Variants in BRSK2 observed in about 807,000 individuals in gnomAD.
BRSK2 encodes the protein BR serine/threonine kinase 2, also known as serine/threonine-protein kinase BRSK2.
Under a neutral mutation model 83.3 loss-of-function variants are expected in BRSK2, and 19 were observed. The ratio of observed to expected loss-of-function variants is 0.23; its 90% CI spans 0.16 to 0.33. The LOEUF is 0.33. Among genes scored for constraint, BRSK2 ranks in the 10% least tolerant of loss-of-function variants. The pLI, the probability that BRSK2 is intolerant of heterozygous loss-of-function variation, is 1.00. For missense variants in BRSK2, 798 were observed against 1,042.3 expected, an observed-to-expected ratio of 0.77 and a Z score of 3.23; for synonymous variants, 519 against 435.4, an observed-to-expected ratio of 1.19 and a Z score of -2.39.
intron 1 of BRSK2, chr11:1,410,714 G>C: frequency 1.0e-6 from 1 of 985,410 alleles, no homozygotes; most frequent in Non-Finnish European, 1.2e-6. Flanking sequence ...CGCCTGCCTA[G>C]GGTGGGACCA....
chr11:1,442,797 T>C (rs1244793740), intron 5 of BRSK2, among the ~76,000 whole-genome samples, 191 bp downstream of exon 5: 1 of 151,912 alleles, frequency 6.6e-6, no homozygotes, highest in African/African-American at 2.4e-5. Flanking sequence ...CCCGGCACAG[T>C]AAGGGTAGGG....
chr11:1,429,074 G>C (rs1849605463), intron 1 of BRSK2, among the ~76,000 whole-genome samples: 1 of 148,314 alleles, frequency 6.7e-6, no homozygotes. Flanking sequence ...TGTGTGCATG[G>C]GTGTGTGTCC....
At position 1,454,457 on chromosome 11, in the gene BRSK2, C is replaced by G; in HGVS notation, c.1545-28C>G. The G allele has an allele frequency of 1.9e-6, 3 of 1,611,990 alleles. No individual in the cohort carries two copies. The highest frequency in any genetic ancestry group is 1.7e-6 in the Non-Finnish European group (2 of 1,179,474). ...GTGTGGACGGTGCCACACCTCAATC[C>G]TCACAGCCTCTGTCTCCCACTGCCC... is the stretch of plus-strand genomic sequence containing the variant. On this transcript the variant is annotated intron_variant, in intron 15 of 19. Coordinates refer to ENST00000528841, the MANE Select transcript of BRSK2 (RefSeq NM_001256627.2). The surrounding 1 kb of genome is among the most constrained non-coding windows in gnomAD (Gnocchi z 5.2).
intron 16 of BRSK2, among the ~76,000 whole-genome samples, chr11:1,455,714 G>A (rs1846435001): frequency 6.6e-6 from 1 of 152,016 alleles, no homozygotes; most frequent in Admixed American, 6.5e-5. Flanking sequence ...CCTTCATGCT[G>A]CCCCTGGTTG....
chr11:1,422,144 T>C (rs1848694075), intron 1 of BRSK2, among the ~76,000 whole-genome samples: 2 of 152,232 alleles, frequency 1.3e-5, no homozygotes, highest in South Asian at 4.1e-4. Flanking sequence ...CAGCCCCAGC[T>C]GTGGGCCCCC....
At chr11:1,443,225 C>T in intron 6 of BRSK2, 86 bp downstream of exon 6, 1 of 1,516,858 alleles carries the variant, frequency 6.6e-7, no homozygotes, top group African/African-American at 1.4e-5. Flanking sequence ...GCCGCACCCC[C>T]AGGTGCTGCT....
rs557859660 is a variant in BRSK2, at chr11:1,435,101, G to A, written c.92-939G>A. On this transcript the variant is annotated intron_variant, in intron 1 of 19. Coordinates refer to ENST00000528841, the MANE Select transcript of BRSK2 (RefSeq NM_001256627.2). ...TGGGTCTGGGAAGGAAGGGGCTGCC[G>A]GGCCGTGGAGGTCTAGGGCAGTGCT... Among the ~76,000 whole-genome samples, 38 of 151,594 alleles carry A rather than the reference G, an allele frequency of 2.5e-4. 1 individual carries two copies. The East Asian group carries it at 4.0e-3, about 16-fold the overall frequency.
chr11:1,415,910 G>A (rs572475105), intron 1 of BRSK2, among the ~76,000 whole-genome samples: 1 of 152,412 alleles, frequency 6.6e-6, no homozygotes, highest in Non-Finnish European at 1.5e-5. Flanking sequence ...CCAGCTTTGG[G>A]CAGGTGAGTG....
At chr11:1,414,429 T>A (rs142937864) in intron 1 of BRSK2, among the ~76,000 whole-genome samples, 25 of 152,168 alleles carry the variant, frequency 1.6e-4, no homozygotes. Flanking sequence ...GATGAACTTA[T>A]GTGTGGAATG....
Position 1,442,570 on chromosome 11 carries a change from T to C in BRSK2, c.494T>C (p.Leu165Pro). Residue 165 changes from leucine (L) to proline (P), a missense_variant, in exon 5 of 20, where the codon CTG (leucine) becomes CCG (proline). This residue lies in a region of BRSK2 where 109 missense variants were observed against 259.2 expected (regional missense o/e 0.42). Transcript: ENST00000528841. ...IRIADFGMAS[L>P]QVGDSLLETS... ...ATCGCAGACTTTGGCATGGCGTCCC[T>C]GCAGGTTGGCGACAGCCTGTTGGAG... is the stretch of plus-strand genomic sequence containing the variant. 1 of 1,612,914 alleles carries C rather than the reference T, an allele frequency of 6.2e-7. No individual in the cohort carries two copies. Among genetic ancestry groups the C allele is most frequent in the Non-Finnish European group, 8.5e-7 (1 of 1,179,704 alleles).
At chr11:1,444,186 C>T (rs917606542) in intron 8 of BRSK2, among the ~76,000 whole-genome samples, 3 of 152,160 alleles carry the variant, frequency 2.0e-5, no homozygotes, top group Admixed American at 2.0e-4. Flanking sequence ...CCTCCAGACG[C>T]TGCTGGGGCA....
At chr11:1,437,520 G>T (rs1436201859) in intron 2 of BRSK2, among the ~76,000 whole-genome samples, 2 of 152,220 alleles carry the variant, frequency 1.3e-5, no homozygotes, top group African/African-American at 4.8e-5. Flanking sequence ...CCTGAGTCAG[G>T]TGCCCTCTGG....
Position 1,460,859 on chromosome 11 carries a change from G to A in BRSK2, c.*136G>A, listed in dbSNP as rs987148330. Reference sequence around the variant, plus strand: ...TCTCAGAGCCTGGGAGGAAAGGAAAGGGGCGTTGGGGCCGGCCTGTGGGCT... The same window carrying A: ...TCTCAGAGCCTGGGAGGAAAGGAAAAGGGCGTTGGGGCCGGCCTGTGGGCT... On this transcript the variant is annotated 3_prime_UTR_variant, in exon 20 of 20. Coordinates refer to ENST00000528841, the MANE Select transcript of BRSK2 (RefSeq NM_001256627.2). The A allele has an allele frequency of 1.5e-5, 24 of 1,562,170 alleles. No individual in the cohort carries two copies. The African/African-American group carries it at 2.4e-4, about 16-fold the overall frequency.
In BRSK2 at chr11:1,456,665, G is replaced by A. The variant is rs766181299; in HGVS notation, c.1917G>A (p.Pro639=). 8.1e-6 allele frequency: 13 copies of A among 1,607,886 alleles called. No homozygotes were observed. In the South Asian group the frequency reaches 8.9e-5, roughly 11 times the overall value. The change falls in exon 18 of 20, where the codon CCG becomes CCA. Residue 639 remains proline (P), a synonymous_variant. Transcript: ENST00000528841. The part of the protein sequence containing the change: ...IQAQLLSTHD[P]PAAQHLSDTT... ...CCCAGCTGCTGAGCACACACGACCC[G>A]CCTGCGGCCCAGCACTTGTCAGGTG...
chr11:1,428,019 G>A (rs1332015023), intron 1 of BRSK2, among the ~76,000 whole-genome samples: 1 of 152,178 alleles, frequency 6.6e-6, no homozygotes, highest in African/African-American at 2.4e-5. Context: ...TCTATGCTGG[G>A]CTCTGAGGAG....
rs1848819362 is a variant in BRSK2, at chr11:1,423,346, A to G, written c.92-12694A>G. On this transcript the variant is annotated intron_variant, in intron 1 of 19. Transcript: ENST00000528841. The surrounding 1 kb of genome is among the most constrained non-coding windows in gnomAD (Gnocchi z 6.5). ...CGAGACCTCGTAAATACTTCAGTGC[A>G]GAGCCTTCAGTTAGGAGCCGAGGCC... Among the ~76,000 whole-genome samples the G allele has an allele frequency of 6.6e-6, 1 of 152,162 alleles. No individual in the cohort carries two copies. Among genetic ancestry groups the G allele is most frequent in the Admixed American group, 6.5e-5 (1 of 15,286 alleles).
chr11:1,457,508 C>T (rs1184211704), intron 18 of BRSK2, among the ~76,000 whole-genome samples: 2 of 152,156 alleles, frequency 1.3e-5, no homozygotes, highest in East Asian at 3.9e-4. Context: ...CTCCCCTGGG[C>T]CCATGTGTGG....
chr11:1,396,906 T>C (rs1846163249), intron 1 of BRSK2, among the ~76,000 whole-genome samples: 1 of 152,036 alleles, frequency 6.6e-6, no homozygotes, highest in Non-Finnish European at 1.5e-5. Flanking sequence ...CCCTCGGAAG[T>C]GGAAGGACTG....
In BRSK2 at chr11:1,447,736, G is replaced by C. The variant is rs1422529823; in HGVS notation, c.1226+1829G>C. On this transcript the variant is annotated intron_variant, in intron 12 of 19. Transcript: ENST00000528841. The stretch of plus-strand genomic sequence containing the variant: ...TACCCGGTGTGGCCCGGGCCCTGGG[G>C]GCCGACCTGTGCCCGCGTGTGGCCG... 2.6e-6 allele frequency: 4 copies of C among 1,517,692 alleles called. No individual in the cohort carries two copies. The East Asian group carries it at 9.5e-5, about 36-fold the overall frequency. The allele number at this position is 1,517,692 out of a possible 1,614,324, so 94.0% of individuals were successfully genotyped here. A position where few individuals can be genotyped will look rare whatever the true frequency, so the allele number is the denominator to read the frequency against.
Sources: gnomAD v4.1 joint callset for allele counts (sites outside exome capture counted in the v4.1 genomes callset) on GRCh38, gnomAD v4.1.1 for gene constraint, gnomAD v4.1.1 regional missense constraint, Gnocchi (gnomAD v3.1) non-coding constraint, MANE v1.5 for transcripts, NCBI Gene and HGNC (gene_info 2026-07-23, HGNC 2026-07-21) for gene names.